ZNF473: variants seen among roughly 807,000 people sequenced by gnomAD.
ZNF473 encodes zinc finger protein 473, also known as zinc finger protein 100 homolog.
In ZNF473, 4 loss-of-function variants were observed where a neutral mutation model predicts 11.1. That is an observed-to-expected ratio of 0.36 (90% CI 0.18 to 0.82). The LOEUF (loss-of-function observed/expected upper bound fraction) is 0.82, where lower values mean the gene tolerates loss of function less well. Among genes scored for constraint, ZNF473 ranks in the 40% least tolerant of loss-of-function variants. The probability of loss-of-function intolerance (pLI) is 0.49; values close to 1 mark genes in which losing one functional copy is unlikely to be tolerated. For missense variants in ZNF473, 854 were observed against 1,084.0 expected, an observed-to-expected ratio of 0.79 and a Z score of 2.98; for synonymous variants, 404 against 390.4, an observed-to-expected ratio of 1.03 and a Z score of -0.41.
Position 50,044,730 on chromosome 19 carries a change from A to G in ZNF473, c.287A>G (p.Gln96Arg). The change falls in exon 5 of 5, where the codon CAG becomes CGG. Residue 96 changes from glutamine to arginine, a missense_variant. Transcript: ENST00000270617. ...MEDFFEEGFS[Q>R]EIIEMLSKDG... ...GATTTCTTCGAAGAAGGATTCTCCC[A>G]GGAGATTATAGAGATGTTATCCAAG... 6.2e-7 allele frequency: 1 copy of G among 1,614,100 alleles called. No homozygotes were observed. Among genetic ancestry groups the G allele is most frequent in the Non-Finnish European group, 8.5e-7 (1 of 1,179,966 alleles).
intron 1 of ZNF473, 122 bp from the exon 2 acceptor site, chr19:50,030,766 GCTGA>G: frequency 2.2e-6 from 1 of 459,988 alleles, no homozygotes; most frequent in South Asian, 2.3e-5. Context: ...CTAAACATGT[GCTGA>G]CTGACTGTTA....
chr19:50,039,027 A>G lies in ZNF473; in HGVS notation c.10-134A>G. ...GGTTTCCAGTCTCTTACATCTCAAGATTCTTGTGAGGCTGAGGATGGGATG... is the reference window on the plus strand; with the variant it reads ...GGTTTCCAGTCTCTTACATCTCAAGGTTCTTGTGAGGCTGAGGATGGGATG... On this transcript the variant is annotated intron_variant, in intron 2 of 4. Coordinates refer to ENST00000270617, the MANE Select transcript of ZNF473 (RefSeq NM_015428.4). The surrounding 1 kb of genome is among the most constrained non-coding windows in gnomAD (Gnocchi z 4.8). 1 of 1,163,224 alleles carries G rather than the reference A, an allele frequency of 8.6e-7. No individual in the cohort carries two copies. Among genetic ancestry groups the G allele is most frequent in the South Asian group, 1.5e-5 (1 of 68,936 alleles). 72.1% of individuals were successfully genotyped at this position (1,163,224 alleles called of 1,614,324 possible). A position where few individuals can be genotyped will look rare whatever the true frequency, so the allele number is the denominator to read the frequency against.
At chr19:50,031,228 G>A (rs960967750) in intron 2 of ZNF473, 137 bp downstream of exon 2, 3 of 1,194,640 alleles carry the variant, frequency 2.5e-6, no homozygotes, top group African/African-American at 1.5e-5. Context: ...GCCTTCCTTT[G>A]TTTTGGCCTC....
At chr19:50,026,694 A>C (rs545108404) in intron 1 of ZNF473, among the ~76,000 whole-genome samples, 110 of 152,152 alleles carry the variant, frequency 7.2e-4, no homozygotes, top group Middle Eastern at 3.4e-3. Context: ...TAGAAAAATT[A>C]GCCGGGCGTG....
intron 2 of ZNF473, among the ~76,000 whole-genome samples, chr19:50,032,448 G>A (rs927058604): frequency 6.6e-6 from 1 of 151,944 alleles, no homozygotes; most frequent in African/African-American, 2.4e-5. Context: ...CTTAGTATGG[G>A]TTCCATCCTT....
chr19:50,040,535 CT>C, intron 3 of ZNF473: 1 of 152,452 alleles, frequency 6.6e-6, no homozygotes, highest in Non-Finnish European at 1.5e-5. Flanking sequence ...TGCCAGCAGG[CT>C]TTTCCCAGGA....
chr19:50,028,009 A>T (rs2122792449), intron 1 of ZNF473, among the ~76,000 whole-genome samples: 1 of 151,478 alleles, frequency 6.6e-6, no homozygotes, highest in Non-Finnish European at 1.5e-5. Context: ...CTTAAATTTA[A>T]TTTTTTTGGC....
Position 50,046,573 on chromosome 19 carries a change from G to A in ZNF473, c.2130G>A (p.Thr710=), listed in dbSNP as rs760063382. Residue 710 remains threonine (T), a synonymous_variant, in exon 5 of 5, where the codon ACG becomes ACA. Transcript: ENST00000270617. This position sits in a 1 kb window ranked among gnomAD's most constrained non-coding sequence, Gnocchi z 5.9. ...TGGTGTGTAACGAATGCGGGAAAACGTTCCGTCAGAGCTCATGCCTTTCTA... is the reference window on the plus strand; with the variant it reads ...TGGTGTGTAACGAATGCGGGAAAACATTCCGTCAGAGCTCATGCCTTTCTA... ...KPLVCNECGK[T]FRQSSCLSKH... is the part of the protein sequence containing the mutation. 14 of 1,614,110 alleles carry A rather than the reference G, an allele frequency of 8.7e-6. No individual in the cohort carries two copies. In the East Asian group the frequency reaches 2.0e-4, roughly 23 times the overall value.
intron 2 of ZNF473, among the ~76,000 whole-genome samples, chr19:50,037,634 A>C (rs1237307633): frequency 2.0e-5 from 3 of 151,200 alleles, no homozygotes; most frequent in Non-Finnish European, 4.4e-5. Context: ...CAGCCTGGGC[A>C]ACATGGCAAG....
rs149467971 is a variant in ZNF473, at chr19:50,034,063, G to A, written c.9+2972G>A. Among the ~76,000 whole-genome samples the A allele has an allele frequency of 1.4e-3, 216 of 152,280 alleles. No homozygotes were observed. In the Middle Eastern group the frequency reaches 0.051, roughly 36 times the overall value. On this transcript the variant is annotated intron_variant, in intron 2 of 4. Transcript: ENST00000270617. The stretch of plus-strand genomic sequence containing the variant: ...CTACAGGATATCTCAAACTTTACAT[G>A]TCCCAAACCAAACTCAGACTCTGTC...
Position 50,046,778 on chromosome 19 carries a change from G to A in ZNF473, c.2335G>A (p.Val779Ile), listed in dbSNP as rs750692641. 1.9e-6 allele frequency: 3 copies of A among 1,614,158 alleles called. No individual in the cohort carries two copies. Among genetic ancestry groups the A allele is most frequent in the East Asian group, 2.2e-5 (1 of 44,866 alleles). ...CTCATGCCTTTCTATTCACCGGAGA[G>A]TTCACACTGGGGAGAAGCCCTACAG... Reference protein sequence around the residue: ...QSSCLSIHRRVHTGEKPYRCG... With the variant: ...QSSCLSIHRRIHTGEKPYRCG... The change falls in exon 5 of 5, where the codon GTT (valine) becomes ATT (isoleucine). Residue 779 changes from valine (V) to isoleucine (I), a missense_variant. By Grantham distance (29) the Val-to-Ile change is conservative. Around this residue, in one of 2 missense-constraint regions of ZNF473, gnomAD observed 186 missense variants for 293.8 expected, o/e 0.63. Coordinates refer to ENST00000270617, the MANE Select transcript of ZNF473 (RefSeq NM_015428.4). The surrounding 1 kb of genome is among the most constrained non-coding windows in gnomAD (Gnocchi z 5.9).
At chr19:50,034,464 C>G (rs1036715990) in intron 2 of ZNF473, among the ~76,000 whole-genome samples, 4 of 152,156 alleles carry the variant, frequency 2.6e-5, no homozygotes, top group Non-Finnish European at 4.4e-5. Context: ...AATGCATGAC[C>G]TAATGAAGGC....
chr19:50,033,456 G>A lies in ZNF473; in HGVS notation c.9+2365G>A, dbSNP rs569298158. ...TTTAAATATGGTGAATCCGGAGGCC[G>A]TTGGAGGGTTTGGAGCAGAGGAGGG... On this transcript the variant is annotated intron_variant, in intron 2 of 4. Coordinates refer to ENST00000270617, the MANE Select transcript of ZNF473 (RefSeq NM_015428.4). Among the ~76,000 whole-genome samples, 8 of 152,230 alleles carry A rather than the reference G, an allele frequency of 5.3e-5. No homozygotes were observed. In the East Asian group the frequency reaches 5.8e-4, roughly 11 times the overall value.
In ZNF473 at chr19:50,027,876, C is replaced by T. The variant is rs895823411; in HGVS notation, c.-192+1754C>T. Among the ~76,000 whole-genome samples, 35 of 152,196 alleles carry T rather than the reference C, an allele frequency of 2.3e-4. No homozygotes were observed. The East Asian group carries it at 5.3e-3, about 23-fold the overall frequency. On this transcript the variant is annotated intron_variant, in intron 1 of 4. Transcript: ENST00000270617. ...CTAATTTCTGTATTTTTGGTAGATACGGGGGTTTCACCATGTTGATCAGGC... is the reference window on the plus strand; with the variant it reads ...CTAATTTCTGTATTTTTGGTAGATATGGGGGTTTCACCATGTTGATCAGGC...
chr19:50,046,225 C>G lies in ZNF473; in HGVS notation c.1782C>G (p.Asp594Glu). Residue 594 changes from aspartate (D) to glutamate (E), a missense_variant, in exon 5 of 5, where the codon GAC becomes GAG. Asp to Glu is a conservative substitution (Grantham distance 45, BLOSUM62 2). Around this residue, in one of 2 missense-constraint regions of ZNF473, gnomAD observed 668 missense variants for 790.2 expected, o/e 0.85. Coordinates refer to ENST00000270617, the MANE Select transcript of ZNF473 (RefSeq NM_015428.4). The surrounding 1 kb of genome is among the most constrained non-coding windows in gnomAD (Gnocchi z 5.9). Reference protein sequence around the residue: ...HTRGVKPFECDQCGKAFGQST... With the variant: ...HTRGVKPFECEQCGKAFGQST... ...GGGGAGTGAAGCCCTTTGAATGTGA[C>G]CAGTGTGGGAAAGCCTTTGGCCAAA... 3.1e-6 allele frequency: 5 copies of G among 1,614,102 alleles called. No individual in the cohort carries two copies. Among genetic ancestry groups the G allele is most frequent in the Non-Finnish European group, 4.2e-6 (5 of 1,180,016 alleles).
In ZNF473 at chr19:50,045,446, C is replaced by A; in HGVS notation, c.1003C>A (p.Leu335Ile). 6.2e-7 allele frequency: 1 copy of A among 1,613,504 alleles called. No homozygotes were observed. Among genetic ancestry groups the A allele is most frequent in the Non-Finnish European group, 8.5e-7 (1 of 1,179,788 alleles). The stretch of plus-strand genomic sequence containing the variant: ...CAAGGCTTTTACCCGGATCTTCCAC[C>A]TTACTCGGCACCAGAAGATCCACAC... The part of the protein sequence containing the change: ...CGKAFTRIFH[L>I]TRHQKIHTRK... The change falls in exon 5 of 5, where the codon CTT (leucine) becomes ATT (isoleucine). Residue 335 changes from leucine (L) to isoleucine (I), a missense_variant. Physicochemically the swap from Leu to Ile is conservative, Grantham distance 5. Coordinates refer to ENST00000270617, the MANE Select transcript of ZNF473 (RefSeq NM_015428.4).
chr19:50,037,892 C>G (rs983120959), intron 2 of ZNF473, among the ~76,000 whole-genome samples: 1 of 151,840 alleles, frequency 6.6e-6, no homozygotes, highest in South Asian at 2.1e-4. Flanking sequence ...CCATAACTTA[C>G]AAACGACAGA....
Position 50,039,145 on chromosome 19 carries a change from G to A in ZNF473, c.10-16G>A. The stretch of plus-strand genomic sequence containing the variant: ...GACCCCAGCCTCTGAGTGACCAATA[G>A]TGTACTGTGTTTCAGGAATTTGTGA... On this transcript the variant is annotated splice_polypyrimidine_tract_variant and intron_variant, in intron 2 of 4. Transcript: ENST00000270617. The surrounding 1 kb of genome is among the most constrained non-coding windows in gnomAD (Gnocchi z 4.8). 6.2e-7 allele frequency: 1 copy of A among 1,613,722 alleles called. No homozygotes were observed. The highest frequency in any genetic ancestry group is 8.5e-7 in the Non-Finnish European group (1 of 1,179,706).
chr19:50,027,743 C>G (rs1448160969), intron 1 of ZNF473, among the ~76,000 whole-genome samples: 4 of 152,142 alleles, frequency 2.6e-5, no homozygotes, highest in African/African-American at 9.6e-5. Flanking sequence ...CTCTGTCACC[C>G]AGGCTGGAGT....
Sources: gnomAD v4.1 joint callset for allele counts (sites outside exome capture counted in the v4.1 genomes callset) on GRCh38, gnomAD v4.1.1 for gene constraint, gnomAD v4.1.1 regional missense constraint, Gnocchi (gnomAD v3.1) non-coding constraint, MANE v1.5 for transcripts, NCBI Gene and HGNC (gene_info 2026-07-23, HGNC 2026-07-21) for gene names.